Variants in SPOCK3 observed in about 807,000 individuals in gnomAD.
The protein encoded by SPOCK3 is testican-3.
A neutral mutation model predicts 56.6 loss-of-function variants in SPOCK3; 30 were observed. The ratio of observed to expected loss-of-function variants is 0.53; its 90% CI spans 0.40 to 0.72. The LOEUF is 0.72. SPOCK3 is among the 30% of genes least tolerant of loss of function. SPOCK3 has a pLI of 0.00. For missense variants in SPOCK3, 527 were observed against 530.0 expected (o/e 0.99, Z 0.06); for synonymous variants, 196 against 183.3 (o/e 1.07, Z -0.56).
intron 6 of SPOCK3, among the ~76,000 whole-genome samples, chr4:166,886,934 T>C (rs1734258807): frequency 1.3e-5 from 2 of 152,184 alleles, no homozygotes. Flanking sequence ...CCACAGCAGG[T>C]AGCAAAATCC....
chr4:166,946,914 C>T (rs893908199), intron 4 of SPOCK3, among the ~76,000 whole-genome samples: 1 of 152,114 alleles, frequency 6.6e-6, no homozygotes, highest in African/African-American at 2.4e-5. Flanking sequence ...AAACAATCAA[C>T]ATCACCAATG....
At chr4:167,115,324 A>C (rs1761244046) in intron 2 of SPOCK3, among the ~76,000 whole-genome samples, 1 of 152,068 alleles carries the variant, frequency 6.6e-6, no homozygotes, top group African/African-American at 2.4e-5. Flanking sequence ...ACAGAAAAAA[A>C]AAAAAAATGA....
chr4:166,876,440 C>A (rs1733094215), intron 6 of SPOCK3, among the ~76,000 whole-genome samples: 1 of 151,938 alleles, frequency 6.6e-6, no homozygotes, highest in Non-Finnish European at 1.5e-5. Flanking sequence ...AACTTATGGC[C>A]TGGGGAAAAC....
intron 6 of SPOCK3, among the ~76,000 whole-genome samples, chr4:166,877,590 C>T (rs1217950173): frequency 1.3e-5 from 2 of 152,002 alleles, no homozygotes; most frequent in African/African-American, 2.4e-5. Flanking sequence ...CTCAAAAGAA[C>T]AGTAAGCAGG....
intron 2 of SPOCK3, among the ~76,000 whole-genome samples, chr4:167,198,730 G>A (rs923822548): frequency 2.6e-5 from 4 of 152,132 alleles, no homozygotes; most frequent in Non-Finnish European, 4.4e-5. Flanking sequence ...TTCTGAGAAC[G>A]ATAGTTCAAA....
intron 2 of SPOCK3, among the ~76,000 whole-genome samples, chr4:167,128,012 G>T (rs2150376122): frequency 6.6e-6 from 1 of 152,240 alleles, no homozygotes; most frequent in South Asian, 2.1e-4. Context: ...AAAAGAACTT[G>T]CAGAATCAAT....
intron 6 of SPOCK3, among the ~76,000 whole-genome samples, chr4:166,798,776 A>G (rs1579260465): frequency 2.6e-5 from 4 of 152,344 alleles, no homozygotes; most frequent in Admixed American, 2.6e-4. Flanking sequence ...CAATTCATGA[A>G]TAGTTATTCA....
chr4:167,040,892 G>T (rs1753181479), intron 3 of SPOCK3, among the ~76,000 whole-genome samples: 1 of 152,104 alleles, frequency 6.6e-6, no homozygotes, highest in Non-Finnish European at 1.5e-5. Flanking sequence ...AACCCAACAG[G>T]TTTGATTTAA....
Position 166,866,489 on chromosome 4 carries a change from C to T in SPOCK3, c.589+22641G>A, listed in dbSNP as rs545321444. ...CAAAAGAAACTATCATCAGAGTGAA[C>T]AGGCAAACTTCAGAATGGGAGAAAA... On this transcript the variant is annotated intron_variant, in intron 6 of 10. Transcript: ENST00000357545. 3.3e-5 allele frequency among the ~76,000 whole-genome samples: 5 copies of T among 152,204 alleles called. No individual in the cohort carries two copies. In the East Asian group the frequency reaches 7.7e-4, roughly 24 times the overall value.
intron 6 of SPOCK3, among the ~76,000 whole-genome samples, chr4:166,842,094 C>T (rs929820988): frequency 1.3e-5 from 2 of 152,138 alleles, no homozygotes; most frequent in Admixed American, 1.3e-4. Flanking sequence ...TTGTGGTCTC[C>T]CTGGCCTTAG....
At chr4:167,157,160 A>T (rs1433137074) in intron 2 of SPOCK3, among the ~76,000 whole-genome samples, 1 of 152,104 alleles carries the variant, frequency 6.6e-6, no homozygotes, top group African/African-American at 2.4e-5. Flanking sequence ...AATTAAAAAA[A>T]TAGTAGAAGA....
At chr4:167,064,609 G>C (rs1438524275) in intron 2 of SPOCK3, among the ~76,000 whole-genome samples, 1 of 151,688 alleles carries the variant, frequency 6.6e-6, no homozygotes, top group Non-Finnish European at 1.5e-5. Context: ...GGCAGCTACA[G>C]TTTTAGGCCT....
chr4:167,180,080 C>A (rs1731316463), intron 2 of SPOCK3, among the ~76,000 whole-genome samples: 1 of 152,070 alleles, frequency 6.6e-6, no homozygotes, highest in Non-Finnish European at 1.5e-5. Flanking sequence ...AATGACAGAG[C>A]CTGAGGGTCT....
chr4:166,892,143 C>T (rs1021743689), intron 5 of SPOCK3, among the ~76,000 whole-genome samples: 3 of 152,074 alleles, frequency 2.0e-5, no homozygotes, highest in African/African-American at 7.2e-5. Flanking sequence ...AAGAGAATTA[C>T]ATAATCTTTA....
chr4:166,830,425 C>T (rs1231710833), intron 6 of SPOCK3, among the ~76,000 whole-genome samples: 1 of 151,972 alleles, frequency 6.6e-6, no homozygotes, highest in Non-Finnish European at 1.5e-5. Context: ...TTAAAGGAAC[C>T]ATTCTTCTTC....
At chr4:166,886,226 T>TG (rs1734190993) in intron 6 of SPOCK3, among the ~76,000 whole-genome samples, 1 of 152,106 alleles carries the variant, frequency 6.6e-6, no homozygotes, top group Non-Finnish European at 1.5e-5. Context: ...TCAATATCCT[T>TG]TGAATGAATT....
At chr4:167,085,997 A>C in intron 2 of SPOCK3, among the ~76,000 whole-genome samples, 1 of 152,066 alleles carries the variant, frequency 6.6e-6, no homozygotes. Flanking sequence ...TATTTGACCT[A>C]CTAGGCTATG....
At chr4:167,050,724 G>T (rs1175244862) in intron 3 of SPOCK3, among the ~76,000 whole-genome samples, 1 of 152,098 alleles carries the variant, frequency 6.6e-6, no homozygotes, top group East Asian at 1.9e-4. Context: ...TTAAAAACTG[G>T]GAAATTCTGA....
At chr4:167,008,809 A>T (rs532153508) in intron 3 of SPOCK3, among the ~76,000 whole-genome samples, 135 of 152,216 alleles carry the variant, frequency 8.9e-4, no homozygotes, top group African/African-American at 3.0e-3. Flanking sequence ...GGACCTAAAG[A>T]TGGAAACAAT....
Sources: gnomAD v4.1 joint callset for allele counts (sites outside exome capture counted in the v4.1 genomes callset) on GRCh38, gnomAD v4.1.1 for gene constraint, MANE v1.5 for transcripts, NCBI Gene and HGNC (gene_info 2026-07-23, HGNC 2026-07-21) for gene names.